NCAM2: variants seen among roughly 807,000 people sequenced by gnomAD.
NCAM2 encodes neural cell adhesion molecule 2, also known as N-CAM-2.
Under a neutral mutation model 98.1 loss-of-function variants are expected in NCAM2, and 30 were observed. The observed-to-expected ratio is 0.31, with a 90% CI of 0.23 to 0.41. The LOEUF (loss-of-function observed/expected upper bound fraction) is 0.41, where lower values mean the gene tolerates loss of function less well. NCAM2 is among the 10% of genes least tolerant of loss of function. NCAM2 has a pLI of 1.00. For missense variants in NCAM2, 867 were observed against 1,005.8 expected (o/e 0.86, Z 1.87); for synonymous variants, 368 against 342.4 (o/e 1.07, Z -0.83).
chr21:21,394,677 C>A (rs866752969), intron 9 of NCAM2, among the ~76,000 whole-genome samples: 5 of 151,360 alleles, frequency 3.3e-5, no homozygotes, highest in Non-Finnish European at 5.9e-5. Context: ...TTAGTAGAGA[C>A]GGGGTTTCAC....
intron 1 of NCAM2, among the ~76,000 whole-genome samples, chr21:21,174,829 G>A (rs979862084): frequency 5.3e-5 from 8 of 151,506 alleles, no homozygotes; most frequent in Non-Finnish European, 1.2e-4. Context: ...GGCCAGGGAA[G>A]GGTTAACTGA....
At chr21:21,464,491 A>C (rs1983413337) in intron 12 of NCAM2, among the ~76,000 whole-genome samples, 1 of 152,134 alleles carries the variant, frequency 6.6e-6, no homozygotes, top group African/African-American at 2.4e-5. Context: ...AAGGAGTTCA[A>C]GACCAGCCTG....
intron 1 of NCAM2, among the ~76,000 whole-genome samples, chr21:21,214,844 G>A (rs1430615685): frequency 6.7e-6 from 1 of 148,182 alleles, no homozygotes; most frequent in African/African-American, 2.5e-5. Context: ...GTGTATATAT[G>A]GTTGAACAGA....
At chr21:21,152,950 C>T (rs939120794) in intron 1 of NCAM2, among the ~76,000 whole-genome samples, 1 of 151,984 alleles carries the variant, frequency 6.6e-6, no homozygotes, top group Admixed American at 6.6e-5. Context: ...ACATAGAAAC[C>T]ACTGTGCCAT....
At chr21:21,458,392 C>T (rs2146177669) in intron 12 of NCAM2, among the ~76,000 whole-genome samples, 1 of 152,338 alleles carries the variant, frequency 6.6e-6, no homozygotes, top group South Asian at 2.1e-4. Context: ...GCTCAGGTCC[C>T]TAGCTCTGGA....
At chr21:21,510,598 ACAT>A (rs1988308652) in intron 16 of NCAM2, among the ~76,000 whole-genome samples, 1 of 97,284 alleles carries the variant, frequency 1.0e-5, no homozygotes, top group East Asian at 2.7e-4. Flanking sequence ...TTTTATAGAC[ACAT>A]TTTGTCTTGG....
At chr21:21,110,345 A>G (rs2066430282) in intron 1 of NCAM2, among the ~76,000 whole-genome samples, 3 of 152,028 alleles carry the variant, frequency 2.0e-5, no homozygotes, top group Admixed American at 2.0e-4. Flanking sequence ...TGGGCCTTGG[A>G]GTACTCCTTG....
chr21:21,382,828 C>T (rs1388077727), intron 9 of NCAM2, among the ~76,000 whole-genome samples: 1 of 151,704 alleles, frequency 6.6e-6, no homozygotes, highest in African/African-American at 2.4e-5. Context: ...CTGCGACTGG[C>T]CCAAATAGTA....
chr21:21,101,505 C>G (rs180684138), intron 1 of NCAM2, among the ~76,000 whole-genome samples: 1 of 152,094 alleles, frequency 6.6e-6, no homozygotes, highest in Admixed American at 6.6e-5. Flanking sequence ...TGGTTTTCTG[C>G]CCATGTATAA....
At chr21:21,211,503 C>T (rs1173789062) in intron 1 of NCAM2, among the ~76,000 whole-genome samples, 2 of 152,132 alleles carry the variant, frequency 1.3e-5, no homozygotes, top group Admixed American at 6.5e-5. Context: ...TTTTTACCAC[C>T]TAATGTGTTA....
chr21:21,117,251 ACT>A (rs1234252319), intron 1 of NCAM2, among the ~76,000 whole-genome samples: 3 of 151,886 alleles, frequency 2.0e-5, no homozygotes, highest in Non-Finnish European at 4.4e-5. Context: ...TCACTTTTCT[ACT>A]CTCTGTTTCT....
At chr21:21,363,436 C>T (rs1247703174) in intron 8 of NCAM2, among the ~76,000 whole-genome samples, 1 of 152,108 alleles carries the variant, frequency 6.6e-6, no homozygotes, top group Non-Finnish European at 1.5e-5. Context: ...ATACTCAACA[C>T]TTTTCATACC....
chr21:21,239,555 T>A (rs1212908994), intron 1 of NCAM2: 1 of 152,150 alleles, frequency 6.6e-6, no homozygotes, highest in South Asian at 2.1e-4. Context: ...TTGAAGGTAT[T>A]ATATACATCA....
At chr21:21,048,604 C>T (rs983277357) in intron 1 of NCAM2, among the ~76,000 whole-genome samples, 1 of 152,182 alleles carries the variant, frequency 6.6e-6, no homozygotes, top group African/African-American at 2.4e-5. Context: ...CCACCCGCCT[C>T]GGCCTCCCAA....
chr21:21,285,256 T>G (rs148606245), intron 3 of NCAM2, among the ~76,000 whole-genome samples: 1 of 152,008 alleles, frequency 6.6e-6, no homozygotes, highest in African/African-American at 2.4e-5. Context: ...ATGCAAGCCC[T>G]TAAATCATCT....
intron 12 of NCAM2, among the ~76,000 whole-genome samples, chr21:21,454,424 G>A (rs1981812030): frequency 6.6e-6 from 1 of 151,974 alleles, no homozygotes; most frequent in South Asian, 2.1e-4. Context: ...TTTGTGGTGA[G>A]TTTGATATAT....
intron 9 of NCAM2, chr21:21,385,604 C>A: frequency 7.8e-7 from 1 of 1,285,178 alleles, no homozygotes; most frequent in Non-Finnish European, 1.0e-6. Flanking sequence ...TGTGTTTCAG[C>A]TTAAACAGAT....
At chr21:21,153,172 ATT>A (rs1312165507) in intron 1 of NCAM2, among the ~76,000 whole-genome samples, 8 of 139,612 alleles carry the variant, frequency 5.7e-5, no homozygotes, top group Admixed American at 7.2e-5. Context: ...AAAATTCACT[ATT>A]TTTTTTTTTT....
In NCAM2 at chr21:21,265,546, T is replaced by A. The variant is rs1003713499; in HGVS notation, c.56-15032T>A. Among the ~76,000 whole-genome samples the A allele has an allele frequency of 2.7e-5, 4 of 148,152 alleles. No homozygotes were observed. In the East Asian group the frequency reaches 7.9e-4, roughly 29 times the overall value. On this transcript the variant is annotated intron_variant, in intron 1 of 17. Transcript: ENST00000400546. Reference sequence around the variant, plus strand: ...ACACACATATGTGTGTATGTATATATGTATGTATATATGTATAAGTGGAAT... The same window carrying A: ...ACACACATATGTGTGTATGTATATAAGTATGTATATATGTATAAGTGGAAT...
Sources: allele counts gnomAD v4.1 joint callset (sites outside exome capture counted in the v4.1 genomes callset), GRCh38; gene constraint gnomAD v4.1.1; transcripts MANE v1.5; gene names NCBI Gene and HGNC (gene_info 2026-07-23, HGNC 2026-07-21).